The following RABL6 variants were observed in gnomAD, a reference collection of about 807,000 sequenced individuals.
RABL6 encodes the protein RAB, member RAS oncogene family like 6, also known as rab-like protein 6.
In RABL6, 28 loss-of-function variants were observed where a neutral mutation model predicts 72.9. The ratio of observed to expected loss-of-function variants is 0.38; its 90% confidence interval spans 0.28 to 0.53. The LOEUF (loss-of-function observed/expected upper bound fraction) is 0.53, where lower values mean the gene tolerates loss of function less well. Ranked by LOEUF, RABL6 falls within the 20% of genes least tolerant of loss-of-function variation. The pLI is 0.80. For synonymous variants in RABL6, 477 were observed against 421.2 expected, an observed-to-expected ratio of 1.13 and a Z score of -1.62; for missense variants, 1,029 against 1,008.4, an observed-to-expected ratio of 1.02 and a Z score of -0.28.
chr9:136,832,386 G>T lies in RABL6; in HGVS notation c.705+16G>T. On this transcript the variant is annotated intron_variant, in intron 7 of 14. Transcript: ENST00000311502. Reference sequence around the variant, plus strand: ...GCAGCTTCAGGTAAGCACTCACCACGTGGGGTGGAGTGGCTGCTGGTCTCT... The same window carrying T: ...GCAGCTTCAGGTAAGCACTCACCACTTGGGGTGGAGTGGCTGCTGGTCTCT... 6.4e-7 allele frequency: 1 copy of T among 1,573,078 alleles called. No individual in the cohort carries two copies. The highest frequency in any genetic ancestry group is 8.7e-7 in the Non-Finnish European group (1 of 1,142,878).
chr9:136,823,964 C>T (rs1326326909), intron 2 of RABL6, among the ~76,000 whole-genome samples: 1 of 152,256 alleles, frequency 6.6e-6, no homozygotes, highest in Non-Finnish European at 1.5e-5. Flanking sequence ...GAGGAGCATT[C>T]CCTTGCCTGC....
intron 3 of RABL6, chr9:136,827,519 G>A (rs1378412883): frequency 6.6e-6 from 1 of 152,314 alleles, no homozygotes; most frequent in South Asian, 2.1e-4. Flanking sequence ...GCTCGCCCGG[G>A]GGGTGCTGGT....
intron 1 of RABL6, among the ~76,000 whole-genome samples, chr9:136,818,388 AAAAAAAAAAAAAAAAAC>A (rs1248550544): frequency 0.042 from 4,629 of 108,982 alleles, 694 homozygotes; most frequent in African/African-American, 0.053. Flanking sequence ...AAAAAAAAAA[AAAAAAAAAAAAAAAAAC>A]CAAAGGTAAG....
In RABL6 at chr9:136,839,703, C is replaced by T; in HGVS notation, c.1768C>T (p.Pro590Ser). 1 of 1,584,540 alleles carries T rather than the reference C, an allele frequency of 6.3e-7. No homozygotes were observed. Among genetic ancestry groups the T allele is most frequent in the Non-Finnish European group, 8.6e-7 (1 of 1,162,036 alleles). Residue 590 changes from proline (P) to serine (S), a missense_variant, in exon 13 of 15, where the codon CCC becomes TCC. This residue lies in a region of RABL6 where 595 missense variants were observed against 472.4 expected (regional missense o/e 1.26). Coordinates refer to ENST00000311502, the MANE Select transcript of RABL6 (RefSeq NM_024718.5). ...SDTQRRADDF[P>S]VRDDPSDVTD... ...GCTCTCCCTGCTCCAGGATGACTTTCCCGTGCGAGATGACCCCTCCGATGT... is the reference window on the plus strand; with the variant it reads ...GCTCTCCCTGCTCCAGGATGACTTTTCCGTGCGAGATGACCCCTCCGATGT...
chr9:136,822,237 A>G (rs978886207), intron 1 of RABL6, among the ~76,000 whole-genome samples: 1 of 152,090 alleles, frequency 6.6e-6, no homozygotes, highest in Non-Finnish European at 1.5e-5. Context: ...CAGACCTGAC[A>G]CAGATGGGGG....
Position 136,831,984 on chromosome 9 carries a change from C to T in RABL6, c.599+123C>T, listed in dbSNP as rs147673388. On this transcript the variant is annotated intron_variant, in intron 6 of 14. Transcript: ENST00000311502. ...CATGGGGCCCGGCGGATGTGGGTCT[C>T]GCCGCTGAGTGGGGCTCACTGAAGC... 1.9e-4 allele frequency: 261 copies of T among 1,368,780 alleles called. 1 individual carries two copies. In the East Asian group the frequency reaches 5.7e-3, roughly 30 times the overall value. The allele number at this position is 1,368,780 out of a possible 1,614,324, so 84.8% of individuals were successfully genotyped here. A position where few individuals can be genotyped will look rare whatever the true frequency, so the allele number is the denominator to read the frequency against.
At chr9:136,822,335 CCTTCCCTGG>C (rs1165310812) in intron 1 of RABL6, among the ~76,000 whole-genome samples, 1 of 152,122 alleles carries the variant, frequency 6.6e-6, no homozygotes, top group Non-Finnish European at 1.5e-5. Context: ...AACCCGGCTC[CCTTCCCTGG>C]CTTCCCTGGC....
intron 13 of RABL6, 123 bp from the exon 14 acceptor site, chr9:136,840,028 GTCC>G: frequency 2.0e-6 from 3 of 1,492,714 alleles, no homozygotes; most frequent in Non-Finnish European, 2.8e-6. Context: ...GTGTGGTCCT[GTCC>G]ATCAGCAGGG....
At chr9:136,813,138 G>A (rs539538756) in intron 1 of RABL6, 41 of 440,512 alleles carry the variant, frequency 9.3e-5, no homozygotes, top group African/African-American at 7.8e-4. Context: ...CCTCAGACAG[G>A]CCTTTGACAG....
At position 136,837,429 on chromosome 9, in the gene RABL6, A is replaced by T; in HGVS notation, c.893A>T (p.Gln298Leu). The T allele has an allele frequency of 6.3e-7, 1 of 1,581,372 alleles. No homozygotes were observed. The highest frequency in any genetic ancestry group is 8.6e-7 in the Non-Finnish European group (1 of 1,165,524). The change falls in exon 9 of 15, where the codon CAG (glutamine) becomes CTG (leucine). Residue 298 changes from glutamine (Q) to leucine (L), a missense_variant. Gln to Leu is a moderately radical substitution (Grantham distance 113). This residue lies in a region of RABL6 where 434 missense variants were observed against 536.1 expected (regional missense o/e 0.81). Transcript: ENST00000311502. ...ANGQSPSPGS[Q>L]SPVVPAGAVS... ...GGGCAGAGCCCATCCCCGGGCTCCC[A>T]GTCACCAGTGGTGCCTGCAGGCGCT...
intron 1 of RABL6, among the ~76,000 whole-genome samples, chr9:136,820,707 G>A (rs1252712268): frequency 2.6e-5 from 4 of 152,128 alleles, no homozygotes; most frequent in Admixed American, 2.6e-4. Flanking sequence ...AAAATCAAAG[G>A]AAGGTTTAGA....
intron 1 of RABL6, among the ~76,000 whole-genome samples, chr9:136,819,640 G>A (rs897051824): frequency 1.3e-5 from 2 of 152,206 alleles, no homozygotes; most frequent in African/African-American, 4.8e-5. Flanking sequence ...TATAGTCCTA[G>A]TGCTACAGCG....
Position 136,837,645 on chromosome 9 carries a change from C to T in RABL6, c.1109C>T (p.Ala370Val), listed in dbSNP as rs761477924. The T allele has an allele frequency of 1.8e-5, 29 of 1,592,264 alleles. No homozygotes were observed. The highest frequency in any genetic ancestry group is 2.5e-5 in the Non-Finnish European group (29 of 1,171,030). ...TTTGGGACGTCACCTGCCACCGAGG[C>T]AGCCCCTCCACCTCCAGGTAGGCCC... ...RLFGTSPATE[A>V]APPPPEPVPA... The change falls in exon 9 of 15, where the codon GCA becomes GTA. Residue 370 changes from alanine to valine, a missense_variant. Physicochemically the swap from Ala to Val is moderately conservative, Grantham distance 64. Around this residue, in one of 2 missense-constraint regions of RABL6, gnomAD observed 434 missense variants for 536.1 expected, o/e 0.81. Transcript: ENST00000311502.
Position 136,839,333 on chromosome 9 carries a change from C to T in RABL6, c.1605C>T (p.Ser535=), listed in dbSNP as rs1848643839. Residue 535 remains serine, a synonymous_variant, in exon 12 of 15, where the codon AGC becomes AGT. Coordinates refer to ENST00000311502, the MANE Select transcript of RABL6 (RefSeq NM_024718.5). ...GCACAGGTCCGGAGAAGCGCAGCAG[C>T]ACCAGGCCCCCTGCTGAGATGGAGC... ...SVRTGPEKRS[S]TRPPAEMEPG... is the part of the protein sequence containing the mutation. 2.5e-6 allele frequency: 4 copies of T among 1,612,504 alleles called. No individual in the cohort carries two copies. Among genetic ancestry groups the T allele is most frequent in the Non-Finnish European group, 3.4e-6 (4 of 1,179,788 alleles).
intron 1 of RABL6, among the ~76,000 whole-genome samples, chr9:136,823,143 G>A (rs572183608): frequency 2.6e-5 from 4 of 151,076 alleles, no homozygotes; most frequent in African/African-American, 7.3e-5. Flanking sequence ...GGAGCAATCC[G>A]CAGAAGCCTG....
rs766828768 is a variant in RABL6 at position 136,839,019 on chromosome 9, G to C, written c.1391G>C (p.Ser464Thr). 6.2e-7 allele frequency: 1 copy of C among 1,612,486 alleles called. No individual in the cohort carries two copies. Among genetic ancestry groups the C allele is most frequent in the Non-Finnish European group, 8.5e-7 (1 of 1,179,748 alleles). ...SPPLPAGPVP[S>T]QDITLSSEEE... ...CCGCTGCCTGCAGGCCCCGTCCCCA[G>C]TCAAGACATCACTCTTTCGAGTGAG... Residue 464 changes from serine to threonine, a missense_variant, in exon 11 of 15, where the codon AGT (serine) becomes ACT (threonine). This residue lies in a region of RABL6 where 595 missense variants were observed against 472.4 expected (regional missense o/e 1.26). Transcript: ENST00000311502.
At position 136,828,476 on chromosome 9, in the gene RABL6, T is replaced by C. The variant is rs1021874416; in HGVS notation, c.314-18T>C. The C allele has an allele frequency of 1.6e-5, 25 of 1,612,448 alleles. No homozygotes were observed. The highest frequency in any genetic ancestry group is 2.0e-5 in the Non-Finnish European group (24 of 1,179,682). ...CCCAGGGGTTCCACCTCGTAATTTT[T>C]GTTTGTTTTTAAATAAGGAAAATGC... On this transcript the variant is annotated intron_variant, in intron 3 of 14. Coordinates refer to ENST00000311502, the MANE Select transcript of RABL6 (RefSeq NM_024718.5).
chr9:136,810,528 TTTC>T (rs1847986883), intron 1 of RABL6, among the ~76,000 whole-genome samples: 1 of 152,120 alleles, frequency 6.6e-6, no homozygotes, highest in Non-Finnish European at 1.5e-5. Context: ...GTTTCTAGTA[TTTC>T]TTTTCTTTTC....
At chr9:136,817,786 G>A (rs902390502) in intron 1 of RABL6, among the ~76,000 whole-genome samples, 1 of 152,164 alleles carries the variant, frequency 6.6e-6, no homozygotes, top group Admixed American at 6.5e-5. Context: ...AAAGGGGGCC[G>A]GGTGCTGGCT....
Sources: allele counts gnomAD v4.1 joint callset (sites outside exome capture counted in the v4.1 genomes callset), GRCh38; gene constraint gnomAD v4.1.1; regional missense constraint gnomAD v4.1.1; transcripts MANE v1.5; gene names NCBI Gene and HGNC (gene_info 2026-07-23, HGNC 2026-07-21).